The following SLC22A24 variants were observed in gnomAD, a reference collection of about 807,000 sequenced individuals.
SLC22A24 encodes the protein solute carrier family 22 member 24, also known as steroid transmembrane transporter SLC22A24.
SLC22A24 carries 53 observed loss-of-function variants against 49.8 expected under a neutral mutation model. The ratio of observed to expected loss-of-function variants is 1.06; its 90% CI spans 0.85 to 1.34. SLC22A24 has a LOEUF of 1.34. Ranked by LOEUF, SLC22A24 falls within the 40% of genes most tolerant of loss-of-function variation. SLC22A24 has a pLI of 0.00. For synonymous variants in SLC22A24, 302 were observed against 256.4 expected, an observed-to-expected ratio of 1.18 and a Z score of -1.70; for missense variants, 786 against 675.9, an observed-to-expected ratio of 1.16 and a Z score of -1.81.
chr11:63,119,265 C>A lies in SLC22A24; in HGVS notation c.577G>T (p.Ala193Ser). The A allele has an allele frequency of 6.4e-7, 1 of 1,551,354 alleles. No homozygotes were observed. The highest frequency in any genetic ancestry group is 8.7e-7 in the Non-Finnish European group (1 of 1,146,840). ...LAISNTCAAF[A>S]PTFLVYCILR... ...ATGCAGTAAACAAGGAAGGTGGGAG[C>A]GAAGGCCGCACAGGTGTTAGAGATG... The change falls in exon 3 of 10, where the codon GCT (alanine) becomes TCT (serine). Residue 193 changes from alanine to serine, a missense_variant. By Grantham distance (99) the Ala-to-Ser change is moderately conservative. Coordinates refer to ENST00000612278, the MANE Select transcript of SLC22A24 (RefSeq NM_001136506.2).
rs1345612537 is a variant in SLC22A24 at position 63,079,998 on chromosome 11, C to A, written c.1601G>T (p.Arg534Ile). The A allele has an allele frequency of 2.6e-6, 4 of 1,530,266 alleles. No homozygotes were observed. The highest frequency in any genetic ancestry group is 3.5e-6 in the Non-Finnish European group (4 of 1,127,982). 94.8% of individuals were successfully genotyped at this position (1,530,266 alleles called of 1,614,324 possible). A position where few individuals can be genotyped will look rare whatever the true frequency, so the allele number is the denominator to read the frequency against. The change falls in exon 10 of 10, where the codon AGA (arginine) becomes ATA (isoleucine). Residue 534 changes from arginine to isoleucine, a missense_variant and splice_region_variant. By Grantham distance (97) the Arg-to-Ile change is moderately conservative. Coordinates refer to ENST00000612278, the MANE Select transcript of SLC22A24 (RefSeq NM_001136506.2). ...CTGCTTTATGTTTCTTGAATCTTTTCTGCTGAGAAATAGAAATGCAAACAA... is the reference window on the plus strand; with the variant it reads ...CTGCTTTATGTTTCTTGAATCTTTTATGCTGAGAAATAGAAATGCAAACAA... ...PNTIQDVEND[R>I]KDSRNIKQED...
intron 6 of SLC22A24, among the ~76,000 whole-genome samples, chr11:63,094,951 A>T (rs2087044338): frequency 6.6e-6 from 1 of 152,080 alleles, no homozygotes; most frequent in Non-Finnish European, 1.5e-5. Flanking sequence ...CTCTGCTGGT[A>T]GTTTCTTTTG....
chr11:63,093,306 C>A (rs991819535), intron 6 of SLC22A24, among the ~76,000 whole-genome samples: 3 of 151,902 alleles, frequency 2.0e-5, no homozygotes, highest in Non-Finnish European at 2.9e-5. Flanking sequence ...GATCTAGAAC[C>A]AGAAATATTA....
chr11:63,133,183 G>T (rs1237038496), intron 2 of SLC22A24, among the ~76,000 whole-genome samples: 1 of 152,106 alleles, frequency 6.6e-6, no homozygotes. Flanking sequence ...TGCAGTATTT[G>T]GTCAGGAGTG....
chr11:63,100,728 G>C (rs989071777), intron 5 of SLC22A24, among the ~76,000 whole-genome samples: 1 of 152,030 alleles, frequency 6.6e-6, no homozygotes, highest in Non-Finnish European at 1.5e-5. Flanking sequence ...GAACAGAGTA[G>C]ACAAGCCAGA....
chr11:63,088,922 CTA>C (rs2087002935), intron 6 of SLC22A24, among the ~76,000 whole-genome samples: 1 of 151,838 alleles, frequency 6.6e-6, no homozygotes, highest in African/African-American at 2.4e-5. Context: ...AAACATGAGA[CTA>C]TGAAAAGACA....
intron 6 of SLC22A24, among the ~76,000 whole-genome samples, chr11:63,087,038 A>G (rs1002643103): frequency 9.1e-6 from 1 of 110,278 alleles, no homozygotes; most frequent in African/African-American, 3.1e-5. Context: ...ACACACACAC[A>G]CACACACACA....
At chr11:63,124,363 G>A (rs1007395164) in intron 2 of SLC22A24, among the ~76,000 whole-genome samples, 3 of 152,142 alleles carry the variant, frequency 2.0e-5, no homozygotes, top group Non-Finnish European at 2.9e-5. Context: ...AGATAAATTC[G>A]ATGTATGGAT....
At chr11:63,143,270 G>T in intron 1 of SLC22A24, 108 bp downstream of exon 1, 1 of 898,292 alleles carries the variant, frequency 1.1e-6, no homozygotes. Context: ...AGAATGAGCT[G>T]ACTGCAGGTC....
At position 63,124,175 on chromosome 11, in the gene SLC22A24, G is replaced by A. The variant is rs111436274; in HGVS notation, c.507-4840C>T. 2.3e-3 allele frequency among the ~76,000 whole-genome samples: 346 copies of A among 152,272 alleles called. 4 individuals are homozygous for A. Among genetic ancestry groups the A allele is most frequent in the African/African-American group, 7.9e-3 (328 of 41,560 alleles). ...TCTTGAAGACTAGCAGAAAATGGAA[G>A]AAGGTAATAGATGAGGTGAGAAAGG... On this transcript the variant is annotated intron_variant, in intron 2 of 9. Coordinates refer to ENST00000612278, the MANE Select transcript of SLC22A24 (RefSeq NM_001136506.2).
intron 4 of SLC22A24, among the ~76,000 whole-genome samples, chr11:63,116,748 T>C (rs2087215651): frequency 6.6e-6 from 1 of 152,202 alleles, no homozygotes; most frequent in Non-Finnish European, 1.5e-5. Context: ...TGATAGAGTC[T>C]CACATGTCCT....
chr11:63,083,222 T>G, intron 7 of SLC22A24, 21 bp downstream of exon 7: 1 of 1,542,114 alleles, frequency 6.5e-7, no homozygotes, highest in Non-Finnish European at 8.8e-7. Flanking sequence ...CTTTCTTTCC[T>G]GAAACTCCTG....
chr11:63,101,015 G>C (rs1939741), intron 5 of SLC22A24, among the ~76,000 whole-genome samples: 150,861 of 152,274 alleles, frequency 0.99, 74,744 homozygotes, highest in East Asian at 1. Flanking sequence ...ATGCCAAGCA[G>C]AAGCACAGGC....
Position 63,143,389 on chromosome 11 carries a change from T to A in SLC22A24, c.391A>T (p.Ile131Phe). 3.4e-6 allele frequency: 5 copies of A among 1,463,702 alleles called. No individual in the cohort carries two copies. The highest frequency in any genetic ancestry group is 4.5e-6 in the Non-Finnish European group (5 of 1,107,354). The allele number at this position is 1,463,702 out of a possible 1,614,324, so 90.7% of individuals were successfully genotyped here. The change falls in exon 1 of 10, where the codon ATC becomes TTC. Residue 131 changes from isoleucine to phenylalanine, a missense_variant. Physicochemically the swap from Ile to Phe is conservative, Grantham distance 21 (BLOSUM62 0). Coordinates refer to ENST00000612278, the MANE Select transcript of SLC22A24 (RefSeq NM_001136506.2). ...ATGGGGCCTCTTACCTCAGTCACGA[T>A]GGTGGAGAGGAAAGAGCTTCTGTCG... ...VYDRSSFLST[I>F]VTEWDLVCES...
chr11:63,112,721 A>T (rs1386965880), intron 4 of SLC22A24, among the ~76,000 whole-genome samples: 1 of 151,984 alleles, frequency 6.6e-6, no homozygotes, highest in Non-Finnish European at 1.5e-5. Flanking sequence ...TGGGGCATTT[A>T]GCCCATTTAC....
intron 1 of SLC22A24, among the ~76,000 whole-genome samples, chr11:63,137,107 G>A (rs2087380762): frequency 6.6e-6 from 1 of 152,048 alleles, no homozygotes; most frequent in South Asian, 2.1e-4. Context: ...CAGGGTGTCT[G>A]TGTCTGTAGC....
rs911173142 is a variant in SLC22A24, at chr11:63,081,142, A to G, written c.1395-19T>C. 1.3e-6 allele frequency: 2 copies of G among 1,543,620 alleles called. No homozygotes were observed. Among genetic ancestry groups the G allele is most frequent in the African/African-American group, 1.4e-5 (1 of 72,922 alleles). On this transcript the variant is annotated intron_variant, in intron 8 of 9. Transcript: ENST00000612278. ...TGTTGACCTTAGAGTGCAAATAACAATACAAAAAATCTTGTATGAATCTGT... is the reference window on the plus strand; with the variant it reads ...TGTTGACCTTAGAGTGCAAATAACAGTACAAAAAATCTTGTATGAATCTGT...
At chr11:63,121,571 C>T (rs2087252187) in intron 2 of SLC22A24, among the ~76,000 whole-genome samples, 1 of 151,856 alleles carries the variant, frequency 6.6e-6, no homozygotes, top group African/African-American at 2.4e-5. Flanking sequence ...AATTAAAATA[C>T]CTGCATACCC....
At chr11:63,120,101 G>T (rs1263284203) in intron 2 of SLC22A24, among the ~76,000 whole-genome samples, 8 of 150,868 alleles carry the variant, frequency 5.3e-5, no homozygotes, top group African/African-American at 1.5e-4. Context: ...AGTTTCTTTT[G>T]CTGTGCAGAA....
Sources: gnomAD v4.1 joint callset for allele counts (sites outside exome capture counted in the v4.1 genomes callset) on GRCh38, gnomAD v4.1.1 for gene constraint, MANE v1.5 for transcripts, NCBI Gene and HGNC (gene_info 2026-07-23, HGNC 2026-07-21) for gene names.